The following NCKAP1L variants were observed in gnomAD, a reference collection of about 807,000 sequenced individuals.
NCKAP1L encodes the protein NCK associated protein 1 like.
Under a neutral mutation model 139.2 loss-of-function variants are expected in NCKAP1L, and 53 were observed. That is an observed-to-expected ratio of 0.38 (90% CI 0.31 to 0.48). The LOEUF is 0.48. Ranked by LOEUF, NCKAP1L falls within the 20% of genes least tolerant of loss-of-function variation. The pLI is 0.98. For synonymous variants in NCKAP1L, 468 were observed against 499.7 expected, an observed-to-expected ratio of 0.94 and a Z score of 0.85; for missense variants, 1,151 against 1,381.9, an observed-to-expected ratio of 0.83 and a Z score of 2.65.
In NCKAP1L at chr12:54,512,112, G is replaced by A; in HGVS notation, c.941+7G>A. 2 of 1,613,472 alleles carry A rather than the reference G, an allele frequency of 1.2e-6. No individual in the cohort carries two copies. Among genetic ancestry groups the A allele is most frequent in the African/African-American group, 2.7e-5 (2 of 75,040 alleles). On this transcript the variant is annotated splice_region_variant and intron_variant, in intron 9 of 30. Coordinates refer to ENST00000293373, the MANE Select transcript of NCKAP1L (RefSeq NM_005337.5). ...TGTTTAGCAGTTTGAAAGGGTGAGA[G>A]ACACGAGAGCCAAACTGATCTTCCT...
intron 3 of NCKAP1L, among the ~76,000 whole-genome samples, chr12:54,504,152 G>A (rs1475461437): frequency 6.6e-6 from 1 of 152,150 alleles, no homozygotes; most frequent in African/African-American, 2.4e-5. Flanking sequence ...AATTAAACTT[G>A]TCGGTATTTT....
chr12:54,535,630 T>G (rs1957108687), intron 27 of NCKAP1L, among the ~76,000 whole-genome samples: 1 of 152,242 alleles, frequency 6.6e-6, no homozygotes, highest in East Asian at 1.9e-4. Context: ...ACCTTGACAC[T>G]GTTTATTTCT....
At chr12:54,511,403 G>A (rs1307790200) in intron 7 of NCKAP1L, among the ~76,000 whole-genome samples, 2 of 152,160 alleles carry the variant, frequency 1.3e-5, no homozygotes, top group Non-Finnish European at 2.9e-5. Flanking sequence ...TAAAATAAAA[G>A]TTAGTTTTTT....
chr12:54,540,553 G>T (rs1351555330), intron 30 of NCKAP1L, among the ~76,000 whole-genome samples: 1 of 152,142 alleles, frequency 6.6e-6, no homozygotes, highest in African/African-American at 2.4e-5. Context: ...CATAAAAGTG[G>T]GTAATAATCC....
At chr12:54,540,067 C>G (rs1957144941) in intron 30 of NCKAP1L, among the ~76,000 whole-genome samples, 1 of 152,138 alleles carries the variant, frequency 6.6e-6, no homozygotes, top group Non-Finnish European at 1.5e-5. Flanking sequence ...CTTGGAGGAG[C>G]CCAAAAATTC....
intron 1 of NCKAP1L, among the ~76,000 whole-genome samples, chr12:54,499,028 C>A (rs932540863): frequency 6.6e-6 from 1 of 151,946 alleles, no homozygotes; most frequent in Non-Finnish European, 1.5e-5. Context: ...CGGGTTCAAG[C>A]GATTCTCCTG....
rs767564942 is a variant in NCKAP1L, at chr12:54,528,332, G to C, written c.2461G>C (p.Glu821Gln). 1 of 1,614,096 alleles carries C rather than the reference G, an allele frequency of 6.2e-7. No homozygotes were observed. The highest frequency in any genetic ancestry group is 1.1e-5 in the South Asian group (1 of 91,086). ...GCAGGCCTTCGTCAGCCTGCCCAGA[G>C]AAGGGGAGCAGAACTTCAGTGCAGA... ...AMQAFVSLPREGEQNFSAEEF... is the reference protein window; with the variant it reads ...AMQAFVSLPRQGEQNFSAEEF... The change falls in exon 22 of 31, where the codon GAA becomes CAA. Residue 821 changes from glutamate to glutamine, a missense_variant. Coordinates refer to ENST00000293373, the MANE Select transcript of NCKAP1L (RefSeq NM_005337.5).
chr12:54,516,183 G>C lies in NCKAP1L; in HGVS notation c.942-56G>C, dbSNP rs1018261249. 44 of 1,591,134 alleles carry C rather than the reference G, an allele frequency of 2.8e-5. No individual in the cohort carries two copies. In the East Asian group the frequency reaches 8.9e-4, roughly 32 times the overall value. Reference sequence around the variant, plus strand: ...ACTCTCTGAGGACTGGGAAGGTGAGGCAAGGGCCCTAATGGGTAGCATGGT... The same window carrying C: ...ACTCTCTGAGGACTGGGAAGGTGAGCCAAGGGCCCTAATGGGTAGCATGGT... On this transcript the variant is annotated intron_variant, in intron 9 of 30. Coordinates refer to ENST00000293373, the MANE Select transcript of NCKAP1L (RefSeq NM_005337.5).
chr12:54,497,959 C>A, intron 1 of NCKAP1L, 68 bp downstream of exon 1: 1 of 961,774 alleles, frequency 1.0e-6, no homozygotes, highest in Non-Finnish European at 1.7e-6. Flanking sequence ...CCTGAGGCGG[C>A]AGGTGCAGCA....
intron 11 of NCKAP1L, 102 bp downstream of exon 11, chr12:54,517,094 T>C: frequency 2.1e-6 from 2 of 939,206 alleles, no homozygotes; most frequent in Non-Finnish European, 1.7e-6. Flanking sequence ...CTTTTGTCAT[T>C]CATTTGTATG....
rs773765921 is a variant in NCKAP1L at position 54,517,852 on chromosome 12, G to A, written c.1252G>A (p.Val418Ile). Residue 418 changes from valine to isoleucine, a missense_variant, in exon 13 of 31, where the codon GTC becomes ATC. Physicochemically the swap from Val to Ile is conservative, Grantham distance 29. Transcript: ENST00000293373. The part of the protein sequence containing the change: ...LFLLEGIRSL[V>I]RRHIKVIQQY... ...CTTGTTGGAGGGGATTAGGTCTCTGGTCCGAAGACACATCAAAGTGATACA... is the reference window on the plus strand; with the variant it reads ...CTTGTTGGAGGGGATTAGGTCTCTGATCCGAAGACACATCAAAGTGATACA... 22 of 1,614,122 alleles carry A rather than the reference G, an allele frequency of 1.4e-5. No homozygotes were observed. In the South Asian group the frequency reaches 1.8e-4, roughly 13 times the overall value.
At chr12:54,505,882 G>A (rs920928110) in intron 3 of NCKAP1L, among the ~76,000 whole-genome samples, 37 of 152,078 alleles carry the variant, frequency 2.4e-4, no homozygotes, top group Non-Finnish European at 5.9e-5. Context: ...GGCTGGTCTC[G>A]AACTCCCGAC....
intron 26 of NCKAP1L, among the ~76,000 whole-genome samples, chr12:54,534,773 A>G (rs1363746308): frequency 1.3e-5 from 2 of 152,168 alleles, no homozygotes; most frequent in African/African-American, 4.8e-5. Flanking sequence ...CCAAAGGGTT[A>G]TTTTCCCTGT....
intron 11 of NCKAP1L, among the ~76,000 whole-genome samples, 163 bp downstream of exon 11, chr12:54,517,155 A>T (rs1956939950): frequency 1.3e-5 from 2 of 152,240 alleles, no homozygotes; most frequent in South Asian, 4.1e-4. Flanking sequence ...AACCTTTTGT[A>T]TCTCTTTTTT....
chr12:54,501,171 A>G (rs1956795173), intron 3 of NCKAP1L, among the ~76,000 whole-genome samples: 1 of 152,074 alleles, frequency 6.6e-6, no homozygotes, highest in Admixed American at 6.6e-5. Flanking sequence ...TGTGATTTTG[A>G]CTATTCTAAG....
At chr12:54,514,741 C>G (rs1397107261) in intron 9 of NCKAP1L, among the ~76,000 whole-genome samples, 1 of 152,162 alleles carries the variant, frequency 6.6e-6, no homozygotes, top group East Asian at 1.9e-4. Flanking sequence ...CAGTTATTAT[C>G]AAGAGCCTAT....
chr12:54,511,654 GC>G (rs1323840943), intron 7 of NCKAP1L, 148 bp from the exon 8 acceptor site: 4 of 736,776 alleles, frequency 5.4e-6, no homozygotes, highest in Non-Finnish European at 8.9e-6. Flanking sequence ...CTATCCTCCT[GC>G]CCCTGCCTCC....
rs371786749 is a variant in NCKAP1L, at chr12:54,499,336, A to G, written c.103-19A>G. The G allele has an allele frequency of 3.8e-6, 5 of 1,315,432 alleles. No individual in the cohort carries two copies. The highest frequency in any genetic ancestry group is 5.5e-6 in the Non-Finnish European group (5 of 908,272). 81.5% of individuals were successfully genotyped at this position (1,315,432 alleles called of 1,614,324 possible). ...GGAGGAGGAGAAAGGGTTGAAATAT[A>G]TATGGTTTCTCTCTGCAGACTTGTT... On this transcript the variant is annotated intron_variant, in intron 1 of 30. Coordinates refer to ENST00000293373, the MANE Select transcript of NCKAP1L (RefSeq NM_005337.5).
At chr12:54,523,760 C>T (rs1337678777) in intron 19 of NCKAP1L, 65 bp from the exon 20 acceptor site, 3 of 1,566,178 alleles carry the variant, frequency 1.9e-6, no homozygotes, top group Non-Finnish European at 2.6e-6. Flanking sequence ...ATGGGCCCAA[C>T]ACGTCCTTCC....
Sources: allele counts gnomAD v4.1 joint callset (sites outside exome capture counted in the v4.1 genomes callset), GRCh38; gene constraint gnomAD v4.1.1; transcripts MANE v1.5; gene names NCBI Gene and HGNC (gene_info 2026-07-23, HGNC 2026-07-21).